WDPCP: variants seen among roughly 807,000 people sequenced by gnomAD.
WDPCP encodes WD repeat containing planar cell polarity effector.
WDPCP carries 71 observed loss-of-function variants against 93.1 expected under a neutral mutation model. That is an observed-to-expected ratio of 0.76 (90% CI 0.63 to 0.93). The LOEUF (loss-of-function observed/expected upper bound fraction) is 0.93, where lower values mean the gene tolerates loss of function less well. Among genes scored for constraint, WDPCP ranks in the 40% least tolerant of loss-of-function variants. WDPCP has a pLI of 0.00. For synonymous variants in WDPCP, 315 were observed against 315.0 expected (o/e 1.00, Z 0.00); for missense variants, 844 against 887.4 (o/e 0.95, Z 0.62).
intron 2 of WDPCP, among the ~76,000 whole-genome samples, chr2:63,686,220 C>T (rs1400773027): frequency 6.6e-6 from 1 of 152,122 alleles, no homozygotes; most frequent in Non-Finnish European, 1.5e-5. Context: ...CACCAGAGAA[C>T]TATTAGAACT....
At chr2:63,415,843 C>T (rs894744917) in intron 9 of WDPCP, among the ~76,000 whole-genome samples, 1 of 152,154 alleles carries the variant, frequency 6.6e-6, no homozygotes, top group Non-Finnish European at 1.5e-5. Flanking sequence ...ATAGTAGAGC[C>T]TGTTAACTTT....
At chr2:63,799,344 G>T (rs1246999811) in intron 2 of WDPCP, among the ~76,000 whole-genome samples, 1 of 152,150 alleles carries the variant, frequency 6.6e-6, no homozygotes, top group Admixed American at 6.5e-5. Context: ...ACTTAGATTT[G>T]GAAGTGACCT....
intron 10 of WDPCP, among the ~76,000 whole-genome samples, chr2:63,400,560 G>T (rs1694073115): frequency 6.6e-6 from 1 of 152,018 alleles, no homozygotes; most frequent in Admixed American, 6.6e-5. Flanking sequence ...TAAAAAGTAG[G>T]CAAAGCCAGA....
At chr2:63,348,946 G>A (rs1357251419) in intron 12 of WDPCP, among the ~76,000 whole-genome samples, 2 of 152,130 alleles carry the variant, frequency 1.3e-5, no homozygotes, top group East Asian at 3.9e-4. Flanking sequence ...ATAAATTGTG[G>A]ACCTGAAAAC....
chr2:63,289,775 A>G (rs766702115), intron 13 of WDPCP, among the ~76,000 whole-genome samples: 2 of 151,746 alleles, frequency 1.3e-5, no homozygotes, highest in Admixed American at 6.5e-5. Context: ...CTTTTGCTTC[A>G]TGCATTTGAA....
At chr2:63,316,059 A>G (rs771705803) in intron 12 of WDPCP, among the ~76,000 whole-genome samples, 2 of 152,136 alleles carry the variant, frequency 1.3e-5, no homozygotes, top group African/African-American at 2.4e-5. Context: ...CACTGTGCTC[A>G]GTCAATTTGA....
chr2:63,822,132 T>C (rs988847046), intron 1 of WDPCP, among the ~76,000 whole-genome samples: 1 of 152,212 alleles, frequency 6.6e-6, no homozygotes, highest in Admixed American at 6.5e-5. Flanking sequence ...ATTCCCTGTT[T>C]TTTATCTCTG....
chr2:63,694,765 A>G (rs1185472385), intron 2 of WDPCP, among the ~76,000 whole-genome samples: 2 of 152,182 alleles, frequency 1.3e-5, no homozygotes, highest in African/African-American at 4.8e-5. Context: ...GAAATGTAGC[A>G]GGTATGTATA....
At chr2:63,751,514 T>G (rs556430776) in intron 2 of WDPCP, among the ~76,000 whole-genome samples, 2 of 152,200 alleles carry the variant, frequency 1.3e-5, no homozygotes, top group Admixed American at 6.5e-5. Flanking sequence ...ACAAATACAG[T>G]CCTCAAGTTT....
intron 3 of WDPCP, among the ~76,000 whole-genome samples, chr2:63,614,937 T>C (rs1362172309): frequency 6.6e-6 from 1 of 152,190 alleles, no homozygotes; most frequent in Non-Finnish European, 1.5e-5. Context: ...TTTCCCTAGG[T>C]TTGGGGATTT....
At chr2:63,231,319 G>A (rs1678857710) in intron 14 of WDPCP, among the ~76,000 whole-genome samples, 1 of 152,170 alleles carries the variant, frequency 6.6e-6, no homozygotes, top group African/African-American at 2.4e-5. Flanking sequence ...AGTTTTGGAA[G>A]TTCTGGCCAG....
chr2:63,614,964 C>T (rs901805801), intron 3 of WDPCP, among the ~76,000 whole-genome samples: 8 of 152,200 alleles, frequency 5.3e-5, no homozygotes, highest in African/African-American at 9.7e-5. Context: ...TGAAGCCTCC[C>T]GTATCACATA....
chr2:63,804,076 C>T (rs1670729433), intron 2 of WDPCP, among the ~76,000 whole-genome samples: 1 of 152,098 alleles, frequency 6.6e-6, no homozygotes, highest in Non-Finnish European at 1.5e-5. Context: ...GATGATACTT[C>T]ACTTGGTAAT....
At chr2:63,503,764 T>G (rs1345143663) in intron 1 of WDPCP, among the ~76,000 whole-genome samples, 3 of 152,022 alleles carry the variant, frequency 2.0e-5, no homozygotes, top group Non-Finnish European at 4.4e-5. Context: ...CAGGAATAAC[T>G]CCTAAATAGC....
At chr2:63,695,314 C>A (rs1313249193) in intron 2 of WDPCP, among the ~76,000 whole-genome samples, 1 of 152,108 alleles carries the variant, frequency 6.6e-6, no homozygotes, top group Non-Finnish European at 1.5e-5. Context: ...CAATAGATAT[C>A]CTTTTTTTAC....
chr2:63,503,840 T>G (rs190205882), intron 1 of WDPCP, among the ~76,000 whole-genome samples: 1 of 151,926 alleles, frequency 6.6e-6, no homozygotes, highest in African/African-American at 2.4e-5. Context: ...CCAAAATAAT[T>G]TGTCAATTCA....
intron 17 of WDPCP, among the ~76,000 whole-genome samples, chr2:63,144,972 C>G (rs113172004): frequency 8.1e-4 from 123 of 152,304 alleles, no homozygotes; most frequent in African/African-American, 2.6e-3. Flanking sequence ...TACTCTCCCC[C>G]TTTTCCTATG....
intron 2 of WDPCP, chr2:63,752,022 A>G: frequency 1.6e-6 from 1 of 627,584 alleles, no homozygotes; most frequent in South Asian, 1.4e-5. Context: ...CTCCACAACC[A>G]ACACCAAAGT....
chr2:63,237,956 C>T (rs1046139655), intron 14 of WDPCP, among the ~76,000 whole-genome samples: 1 of 150,352 alleles, frequency 6.7e-6, no homozygotes, highest in East Asian at 1.9e-4. Context: ...CAAACCTGTA[C>T]ATGCATTCCC....
Sources: gnomAD v4.1 joint callset for allele counts (sites outside exome capture counted in the v4.1 genomes callset) on GRCh38, gnomAD v4.1.1 for gene constraint, MANE v1.5 for transcripts, NCBI Gene and HGNC (gene_info 2026-07-23, HGNC 2026-07-21) for gene names.